NECTIN2: variants seen among roughly 807,000 people sequenced by gnomAD.
The protein encoded by NECTIN2 is nectin-2.
In NECTIN2, 23 loss-of-function variants were observed where a neutral mutation model predicts 56.9. The ratio of observed to expected loss-of-function variants is 0.40; its 90% CI spans 0.29 to 0.57. The LOEUF is 0.57. Ranked by LOEUF, NECTIN2 falls within the 20% of genes least tolerant of loss-of-function variation. The pLI, the probability that NECTIN2 is intolerant of heterozygous loss-of-function variation, is 0.38. For missense variants in NECTIN2, 587 were observed against 718.3 expected, an observed-to-expected ratio of 0.82 and a Z score of 2.09; for synonymous variants, 302 against 313.8, an observed-to-expected ratio of 0.96 and a Z score of 0.40.
In NECTIN2 at chr19:44,875,919, G is replaced by A. The variant is rs999890147; in HGVS notation, c.1042+1441G>A. ...CGCTCTGGGCTCGCCTGGCGCGTGA[G>A]GATGCACATAAGTCCCCGGAGGAAG... On this transcript the variant is annotated intron_variant, in intron 5 of 8. Coordinates refer to ENST00000252483, the MANE Select transcript of NECTIN2 (RefSeq NM_001042724.2). This position sits in a 1 kb window ranked among gnomAD's most constrained non-coding sequence, Gnocchi z 4.2. Among the ~76,000 whole-genome samples, 3 of 152,150 alleles carry A rather than the reference G, an allele frequency of 2.0e-5. No homozygotes were observed. Among genetic ancestry groups the A allele is most frequent in the Non-Finnish European group, 4.4e-5 (3 of 68,022 alleles).
intron 5 of NECTIN2, chr19:44,878,639 C>T: frequency 6.4e-7 from 1 of 1,569,490 alleles, no homozygotes; most frequent in Non-Finnish European, 8.6e-7. Context: ...CAGACAGAGA[C>T]AGAGCCAGGC....
At position 44,846,412 on chromosome 19, in the gene NECTIN2, G is replaced by A; in HGVS notation, c.-114G>A. On this transcript the variant is annotated 5_prime_UTR_variant, in exon 1 of 9. Coordinates refer to ENST00000252483, the MANE Select transcript of NECTIN2 (RefSeq NM_001042724.2). ...GGGAGGCTAGAGCGCAGCGGGAACC[G>A]GCCCGGAGCCGGAGCCGGAGCCCCA... 1 of 1,302,768 alleles carries A rather than the reference G, an allele frequency of 7.7e-7. No individual in the cohort carries two copies. Among genetic ancestry groups the A allele is most frequent in the South Asian group, 1.8e-5 (1 of 56,980 alleles). The allele number at this position is 1,302,768 out of a possible 1,614,324, so 80.7% of individuals were successfully genotyped here. A position where few individuals can be genotyped will look rare whatever the true frequency, so the allele number is the denominator to read the frequency against.
At chr19:44,876,507 C>T (rs1245237574) in intron 5 of NECTIN2, among the ~76,000 whole-genome samples, 1 of 152,144 alleles carries the variant, frequency 6.6e-6, no homozygotes, top group African/African-American at 2.4e-5. Flanking sequence ...CCTGCAGAAA[C>T]GTGCATGCTC....
chr19:44,857,352 C>T (rs1968976707), intron 1 of NECTIN2, among the ~76,000 whole-genome samples: 1 of 150,906 alleles, frequency 6.6e-6, no homozygotes, highest in Admixed American at 6.6e-5. Context: ...AGTGATTCTC[C>T]TGCCACAGCC....
rs577065190 is a variant in NECTIN2, at chr19:44,877,816, C to T, written c.1042+3338C>T. Among the ~76,000 whole-genome samples the T allele has an allele frequency of 2.6e-5, 4 of 152,364 alleles. No homozygotes were observed. The South Asian group carries it at 6.2e-4, about 24-fold the overall frequency. ...ATTGCATCCAAATAGCCAGCTTCCA[C>T]TCGGCTACGGCGATCGCCAGACATG... is the stretch of plus-strand genomic sequence containing the variant. On this transcript the variant is annotated intron_variant, in intron 5 of 8. Transcript: ENST00000252483.
intron 2 of NECTIN2, among the ~76,000 whole-genome samples, chr19:44,870,491 A>G (rs1969160803): frequency 6.6e-6 from 1 of 152,116 alleles, no homozygotes; most frequent in African/African-American, 2.4e-5. Flanking sequence ...CATAAGCATG[A>G]GCTGCTATTC....
At chr19:44,882,468 AACAG>A in intron 6 of NECTIN2, 104 bp downstream of exon 6, 2 of 1,126,262 alleles carry the variant, frequency 1.8e-6, no homozygotes, top group Non-Finnish European at 2.3e-6. Flanking sequence ...GGCTGTGTGA[AACAG>A]ACAGACCTAA....
chr19:44,883,024 C>T lies in NECTIN2; in HGVS notation c.1196+660C>T, dbSNP rs551356409. ...TCTCTATCTCCTGACCTTGGGATCC[C>T]CCCTCCTCAGACTCCAAAAGTGCTG... On this transcript the variant is annotated intron_variant, in intron 6 of 8. Coordinates refer to ENST00000252483, the MANE Select transcript of NECTIN2 (RefSeq NM_001042724.2). 3.4e-4 allele frequency among the ~76,000 whole-genome samples: 52 copies of T among 152,206 alleles called. No individual in the cohort carries two copies. The South Asian group carries it at 0.011, about 31-fold the overall frequency.
chr19:44,846,723 C>T, intron 1 of NECTIN2, 110 bp downstream of exon 1: 1 of 1,299,028 alleles, frequency 7.7e-7, no homozygotes, highest in South Asian at 1.5e-5. Context: ...CCCGAGCCCC[C>T]TCTCGCGTGC....
At chr19:44,853,235 C>A (rs1212454115) in intron 1 of NECTIN2, among the ~76,000 whole-genome samples, 1 of 152,068 alleles carries the variant, frequency 6.6e-6, no homozygotes, top group African/African-American at 2.4e-5. Flanking sequence ...CTCCCTCTGT[C>A]CCCCCAGCTG....
chr19:44,878,382 C>T, intron 5 of NECTIN2: 4 of 1,555,286 alleles, frequency 2.6e-6, no homozygotes, highest in Non-Finnish European at 3.5e-6. Flanking sequence ...GGAGGAGGAG[C>T]CAGTGGCGAC....
rs551182901 is a variant in NECTIN2, at chr19:44,874,519, G to A, written c.1042+41G>A. The A allele has an allele frequency of 6.2e-6, 10 of 1,605,974 alleles. No individual in the cohort carries two copies. In the South Asian group the frequency reaches 7.7e-5, roughly 12 times the overall value. On this transcript the variant is annotated intron_variant, in intron 5 of 8. Transcript: ENST00000252483. This position sits in a 1 kb window ranked among gnomAD's most constrained non-coding sequence, Gnocchi z 6.3. ...GGGCCGTGTGTGGAGACCTGGGTCCGCTCCCCTGGAGTTCTGCCCTTCAGG... is the reference window on the plus strand; with the variant it reads ...GGGCCGTGTGTGGAGACCTGGGTCCACTCCCCTGGAGTTCTGCCCTTCAGG...
intron 1 of NECTIN2, among the ~76,000 whole-genome samples, chr19:44,853,482 A>ATTG (rs1968926166): frequency 7.2e-6 from 1 of 138,156 alleles, no homozygotes. Context: ...GGCGTGAGCC[A>ATTG]CCACAGCTGG....
chr19:44,867,392 A>G (rs564724), intron 2 of NECTIN2, among the ~76,000 whole-genome samples: 101,365 of 152,018 alleles, frequency 0.67, 34,419 homozygotes, highest in East Asian at 0.89. Flanking sequence ...TACTCGAGAG[A>G]CTGAGGTGGG....
At position 44,885,371 on chromosome 19, in the gene NECTIN2, G is replaced by C. The variant is rs554032028; in HGVS notation, c.1197-566G>C. Among the ~76,000 whole-genome samples the C allele has an allele frequency of 2.0e-5, 3 of 149,326 alleles. No individual in the cohort carries two copies. In the East Asian group the frequency reaches 5.9e-4, roughly 29 times the overall value. On this transcript the variant is annotated intron_variant, in intron 6 of 8. Coordinates refer to ENST00000252483, the MANE Select transcript of NECTIN2 (RefSeq NM_001042724.2). ...TCACTCTATTGCACAGGCTGGAGTG[G>C]AGTGATCTCATCTCACTGCAACCTC...
In NECTIN2 at chr19:44,888,281, G is replaced by C. The variant is rs1436829022; in HGVS notation, c.1519G>C (p.Asp507His). 2.5e-6 allele frequency: 4 copies of C among 1,614,052 alleles called. No homozygotes were observed. Among genetic ancestry groups the C allele is most frequent in the Admixed American group, 1.7e-5 (1 of 60,008 alleles). ...GGGGGAGGAGGAGGAAGAGTATCTG[G>C]ACAAGATCAACCCCATCTATGATGC... ...EEGEEEEEYL[D>H]KINPIYDALS... Residue 507 changes from aspartate to histidine, a missense_variant, in exon 9 of 9, where the codon GAC becomes CAC. Coordinates refer to ENST00000252483, the MANE Select transcript of NECTIN2 (RefSeq NM_001042724.2).
chr19:44,871,830 AC>A, intron 2 of NECTIN2, 22 bp from the exon 3 acceptor site: 1 of 1,603,974 alleles, frequency 6.2e-7, no homozygotes, highest in Non-Finnish European at 8.5e-7. Flanking sequence ...GGAGTGACGC[AC>A]CCCCTCTCCT....
In NECTIN2 at chr19:44,865,326, CA is replaced by C. The variant is rs1163640211; in HGVS notation, c.145del (p.Thr49ProfsTer20). The stretch of plus-strand genomic sequence containing the variant: ...CCGAGGTGCGAGGCCAGCTCGGGGG[CA>C]CCGTGGAGCTGCCGTGCCACCTGCT... Reference protein sequence around the residue: ...LPEVRGQLGGTVELPCHLLPP... With the variant: ...LPEVRGQLGGXVELPCHLLPP... On this transcript the variant is annotated frameshift_variant, in exon 2 of 9. Transcript: ENST00000252483. LOFTEE classifies it high-confidence loss of function. This position sits in a 1 kb window ranked among gnomAD's most constrained non-coding sequence, Gnocchi z 5.2. 2 of 1,613,858 alleles carry C rather than the reference CA, an allele frequency of 1.2e-6. No homozygotes were observed. The highest frequency in any genetic ancestry group is 8.5e-7 in the Non-Finnish European group (1 of 1,179,950).
intron 1 of NECTIN2, among the ~76,000 whole-genome samples, chr19:44,847,788 G>A (rs1968853760): frequency 6.6e-6 from 1 of 152,136 alleles, no homozygotes; most frequent in African/African-American, 2.4e-5. Context: ...TCTATCCTCT[G>A]GTAGCGCCTT....
Sources: allele counts gnomAD v4.1 joint callset (sites outside exome capture counted in the v4.1 genomes callset), GRCh38; gene constraint gnomAD v4.1.1; non-coding constraint Gnocchi (gnomAD v3.1); transcripts MANE v1.5; gene names NCBI Gene and HGNC (gene_info 2026-07-23, HGNC 2026-07-21).